ANKRD30B: variants seen among roughly 807,000 people sequenced by gnomAD.
ANKRD30B encodes the protein ankyrin repeat domain 30B.
In ANKRD30B, 144 loss-of-function variants were observed where a neutral mutation model predicts 202.2. That is an observed-to-expected ratio of 0.71 (90% CI 0.62 to 0.82). The LOEUF (loss-of-function observed/expected upper bound fraction) is 0.82, where lower values mean the gene tolerates loss of function less well. ANKRD30B is among the 40% of genes least tolerant of loss of function. The pLI, the probability that ANKRD30B is intolerant of heterozygous loss-of-function variation, is 0.00. For synonymous variants in ANKRD30B, 508 were observed against 561.3 expected, an observed-to-expected ratio of 0.91 and a Z score of 1.34; for missense variants, 1,487 against 1,669.1, an observed-to-expected ratio of 0.89 and a Z score of 1.90.
At chr18:14,805,754 G>GT (rs1322949441) in intron 24 of ANKRD30B, among the ~76,000 whole-genome samples, 3 of 150,684 alleles carry the variant, frequency 2.0e-5, no homozygotes, top group African/African-American at 7.4e-5. Flanking sequence ...TATTTTCTCA[G>GT]TGTCATGATT....
At chr18:14,903,262 C>T in the ANKRD30B span, among the ~76,000 whole-genome samples, 2 of 152,136 alleles carry the variant, frequency 1.3e-5, no homozygotes, top group Non-Finnish European at 1.5e-5. Context: ...GGAGGAAAGG[C>T]GTGAACATTT....
the ANKRD30B span, among the ~76,000 whole-genome samples, chr18:14,878,135 C>T: frequency 1.3e-5 from 2 of 152,282 alleles, no homozygotes; most frequent in South Asian, 4.2e-4. Context: ...GACCGAGATG[C>T]TCGTGTGCTG....
chr18:14,872,885 A>G, the ANKRD30B span, among the ~76,000 whole-genome samples: 3 of 152,224 alleles, frequency 2.0e-5, no homozygotes, highest in South Asian at 2.1e-4. Flanking sequence ...TCCTAATCTC[A>G]TGGATATCAG....
In ANKRD30B at chr18:14,797,943, C is replaced by A. The variant is rs544090303; in HGVS notation, c.2029+89C>A. The A allele has an allele frequency of 2.7e-5, 33 of 1,219,908 alleles. 1 individual carries two copies. The South Asian group carries it at 4.9e-4, about 18-fold the overall frequency. 75.6% of individuals were successfully genotyped at this position (1,219,908 alleles called of 1,614,324 possible). ...AGCCTTTTATTCCCAATGTTGTTTTCTTTTGAAAATTTGATGGGAAAATTT... is the reference window on the plus strand; with the variant it reads ...AGCCTTTTATTCCCAATGTTGTTTTATTTTGAAAATTTGATGGGAAAATTT... On this transcript the variant is annotated intron_variant, in intron 20 of 43. Transcript: ENST00000690538.
chr18:14,853,056 G>A (rs913521325), intron 42 of ANKRD30B, among the ~76,000 whole-genome samples: 1 of 151,778 alleles, frequency 6.6e-6, no homozygotes, highest in African/African-American at 2.4e-5. Flanking sequence ...TAATACCTTA[G>A]GACAAATGTA....
Position 14,832,645 on chromosome 18 carries a change from A to G in ANKRD30B, c.2847+1190A>G, listed in dbSNP as rs1971003211. Among the ~76,000 whole-genome samples, 2 of 152,236 alleles carry G rather than the reference A, an allele frequency of 1.3e-5. 1 individual carries two copies. The highest frequency in any genetic ancestry group is 1.3e-4 in the Admixed American group (2 of 15,276). On this transcript the variant is annotated intron_variant, in intron 34 of 43. Transcript: ENST00000690538. ...GTTTTCAATGTGAATAAATAAGCAA[A>G]TGAATTTTTATGTAATGGAATGTTA...
chr18:14,776,429 G>T (rs1967355510), intron 9 of ANKRD30B, among the ~76,000 whole-genome samples: 1 of 152,228 alleles, frequency 6.6e-6, no homozygotes, highest in African/African-American at 2.4e-5. Flanking sequence ...TATGGTCAGA[G>T]TAGATCTTTC....
chr18:14,891,978 A>C, the ANKRD30B span, among the ~76,000 whole-genome samples: 1 of 152,252 alleles, frequency 6.6e-6, no homozygotes, highest in Admixed American at 6.5e-5. Flanking sequence ...TTGGTGCAAA[A>C]GTAATTGTGG....
chr18:14,931,365 C>T, the ANKRD30B span, among the ~76,000 whole-genome samples: 3 of 152,322 alleles, frequency 2.0e-5, no homozygotes, highest in East Asian at 3.9e-4. Flanking sequence ...CTCCAGTGAT[C>T]TGGAAAACTC....
chr18:14,886,988 G>C, the ANKRD30B span, among the ~76,000 whole-genome samples: 3 of 152,072 alleles, frequency 2.0e-5, no homozygotes, highest in African/African-American at 7.2e-5. Flanking sequence ...TTGTTTTGTT[G>C]ACCTAGCCTT....
chr18:14,872,834 C>T, the ANKRD30B span, among the ~76,000 whole-genome samples: 12 of 152,222 alleles, frequency 7.9e-5, no homozygotes, highest in South Asian at 1.2e-3. Flanking sequence ...CCCTGCCAAG[C>T]GTTCGGGAAT....
the ANKRD30B span, among the ~76,000 whole-genome samples, chr18:14,908,446 G>C: frequency 5.7e-4 from 87 of 152,154 alleles, no homozygotes; most frequent in African/African-American, 2.1e-3. Context: ...TTGGCTGCCT[G>C]TAGAACATCT....
intron 20 of ANKRD30B, among the ~76,000 whole-genome samples, chr18:14,798,656 C>T (rs748778193): frequency 5.3e-5 from 8 of 152,202 alleles, no homozygotes; most frequent in Admixed American, 1.3e-4. Context: ...CCCCTCCGTG[C>T]GTCCATTTAT....
At chr18:14,842,876 T>G in intron 37 of ANKRD30B, 21 bp from the exon 38 acceptor site, 1 of 1,548,304 alleles carries the variant, frequency 6.5e-7, no homozygotes, top group Non-Finnish European at 8.7e-7. Context: ...TGACTGATAA[T>G]AAATCTCTTT....
the ANKRD30B span, among the ~76,000 whole-genome samples, chr18:14,882,862 G>A: frequency 6.6e-6 from 1 of 152,106 alleles, no homozygotes; most frequent in Non-Finnish European, 1.5e-5. Context: ...TATACTGCCT[G>A]TCTTTGTCTC....
At chr18:14,805,823 T>A (rs1390734809) in intron 24 of ANKRD30B, among the ~76,000 whole-genome samples, 1 of 149,802 alleles carries the variant, frequency 6.7e-6, no homozygotes, top group Non-Finnish European at 1.5e-5. Flanking sequence ...ATATTGGCAT[T>A]AACATTTTTT....
the ANKRD30B span, among the ~76,000 whole-genome samples, chr18:14,906,826 A>C: frequency 1.3e-5 from 2 of 150,470 alleles, no homozygotes; most frequent in Non-Finnish European, 2.9e-5. Flanking sequence ...TTGGTTTTAT[A>C]CATTTTAGGG....
chr18:14,899,807 T>C, the ANKRD30B span, among the ~76,000 whole-genome samples: 2 of 152,306 alleles, frequency 1.3e-5, no homozygotes, highest in East Asian at 1.9e-4. Context: ...TAATAACTTA[T>C]ATTTAACTCA....
intron 10 of ANKRD30B, 103 bp downstream of exon 10, chr18:14,778,178 C>T (rs1169180393): frequency 2.6e-6 from 2 of 757,520 alleles, no homozygotes; most frequent in African/African-American, 1.8e-5. Flanking sequence ...TTTTTAAATG[C>T]ATAACACGGA....
Sources: allele counts gnomAD v4.1 joint callset (sites outside exome capture counted in the v4.1 genomes callset), GRCh38; gene constraint gnomAD v4.1.1; transcripts MANE v1.5; gene names NCBI Gene and HGNC (gene_info 2026-07-23, HGNC 2026-07-21).